Variants in SKIL observed in about 807,000 individuals in gnomAD.
The protein encoded by SKIL is SKI like proto-oncogene.
In SKIL, 20 loss-of-function variants were observed where a neutral mutation model predicts 69.6. The ratio of observed to expected loss-of-function variants is 0.29; its 90% CI spans 0.20 to 0.42. The LOEUF (loss-of-function observed/expected upper bound fraction) is 0.42. Ranked by LOEUF, SKIL falls within the 10% of genes least tolerant of loss-of-function variation. SKIL has a pLI of 1.00. For synonymous variants in SKIL, 310 were observed against 279.9 expected, an observed-to-expected ratio of 1.11 and a Z score of -1.08; for missense variants, 745 against 783.1, an observed-to-expected ratio of 0.95 and a Z score of 0.58.
rs145133764 is a variant in SKIL, at chr3:170,360,628, C to T, written c.297C>T (p.Ser99=). The change falls in exon 2 of 7, where the codon AGC becomes AGT. Residue 99 remains serine, a synonymous_variant. Coordinates refer to ENST00000259119, the MANE Select transcript of SKIL (RefSeq NM_005414.5). ...TLAQFHLSSQ[S]SLGGPAAFSA... The stretch of plus-strand genomic sequence containing the variant: ...CACAATTCCATTTAAGTAGTCAGAG[C>T]TCGCTGGGTGGACCAGCAGCATTTT... 177 of 1,614,138 alleles carry T rather than the reference C, an allele frequency of 1.1e-4. No homozygotes were observed. The African/African-American group carries it at 1.7e-3, about 15-fold the overall frequency.
At chr3:170,381,120 C>T (rs1737321203) in intron 2 of SKIL, 124 bp from the exon 3 acceptor site, 11 of 631,950 alleles carry the variant, frequency 1.7e-5, no homozygotes, top group East Asian at 5.6e-5. Context: ...AACCACTGTG[C>T]GTGGCATGAT....
intron 3 of SKIL, among the ~76,000 whole-genome samples, chr3:170,384,331 C>T (rs1737508971): frequency 6.6e-6 from 1 of 152,018 alleles, no homozygotes; most frequent in Admixed American, 6.6e-5. Context: ...CAAAAAATCC[C>T]TTATAATTTT....
In SKIL at chr3:170,393,108, T is replaced by G. The variant is rs1050091202; in HGVS notation, c.*691T>G. On this transcript the variant is annotated 3_prime_UTR_variant, in exon 7 of 7. Transcript: ENST00000259119. ...TTTTTCAGTTTAAATGTGGTTATAG[T>G]TAGATTTTTTTTTAAGCAGCAACTT... 3.3e-5 allele frequency: 5 copies of G among 152,156 alleles called. No homozygotes were observed. The highest frequency in any genetic ancestry group is 1.2e-4 in the African/African-American group (5 of 41,444). 9.4% of individuals were successfully genotyped at this position (152,156 alleles called of 1,614,324 possible). A position where few individuals can be genotyped will look rare whatever the true frequency, so the allele number is the denominator to read the frequency against.
At chr3:170,388,708 G>A (rs1737766868) in intron 4 of SKIL, among the ~76,000 whole-genome samples, 1 of 152,076 alleles carries the variant, frequency 6.6e-6, no homozygotes, top group African/African-American at 2.4e-5. Context: ...GGGATTACTG[G>A]TGTGAGCCAC....
At chr3:170,387,440 C>CT (rs1445066251) in intron 4 of SKIL, among the ~76,000 whole-genome samples, 5 of 152,068 alleles carry the variant, frequency 3.3e-5, no homozygotes, top group African/African-American at 1.2e-4. Context: ...CAATATGTGG[C>CT]TTTTCATGTC....
chr3:170,365,240 T>C (rs1277891950), intron 2 of SKIL, among the ~76,000 whole-genome samples: 1 of 152,252 alleles, frequency 6.6e-6, no homozygotes, highest in Non-Finnish European at 1.5e-5. Context: ...ACAGGGCTTC[T>C]AACTCGAAGT....
At chr3:170,358,394 A>ACTC (rs1048187650) in intron 1 of SKIL, 2 of 151,916 alleles carry the variant, frequency 1.3e-5, no homozygotes, top group African/African-American at 4.9e-5. Flanking sequence ...TCCTCCCTTT[A>ACTC]CTTCCCTCCA....
chr3:170,375,932 G>C (rs1323136779), intron 2 of SKIL, among the ~76,000 whole-genome samples: 1 of 151,534 alleles, frequency 6.6e-6, no homozygotes, highest in Admixed American at 6.6e-5. Context: ...TTCTTGGGCA[G>C]TACATCTAGA....
Position 170,365,752 on chromosome 3 carries a change from C to CTTTTTTTTTTTTTTTTTTT in SKIL, c.1098+4326_1098+4344dup, listed in dbSNP as rs59222162. ...GCTCATTTTAAAAAGTCAAACTAGG[C>CTTTTTTTTTTTTTTTTTTT]TTTTTTTTTTTTTTTTTTTTTGAGA... On this transcript the variant is annotated intron_variant, in intron 2 of 6. Coordinates refer to ENST00000259119, the MANE Select transcript of SKIL (RefSeq NM_005414.5). Among the ~76,000 whole-genome samples, 34 of 106,450 alleles carry CTTTTTTTTTTTTTTTTTTT rather than the reference C, an allele frequency of 3.2e-4. 2 individuals carry two copies. The highest frequency in any genetic ancestry group is 1.0e-3 in the African/African-American group (26 of 25,216). The allele number at this position is 106,450 out of a possible 152,430, so 69.8% of individuals were successfully genotyped here.
Position 170,394,502 on chromosome 3 carries a change from A to G in SKIL, c.*2085A>G, listed in dbSNP as rs1738095937. On this transcript the variant is annotated 3_prime_UTR_variant, in exon 7 of 7. Transcript: ENST00000259119. ...GGAACCTTTCTGCTTTATGTTACCT[A>G]GAAAATGATAATTTGTTTAACCCAA... The G allele has an allele frequency of 1.3e-5, 2 of 152,156 alleles. No individual in the cohort carries two copies. The highest frequency in any genetic ancestry group is 4.8e-5 in the African/African-American group (2 of 41,442). 9.4% of individuals were successfully genotyped at this position (152,156 alleles called of 1,614,324 possible).
intron 2 of SKIL, among the ~76,000 whole-genome samples, chr3:170,363,024 C>T (rs938104769): frequency 1.3e-5 from 2 of 151,558 alleles, no homozygotes. Context: ...AATAACAGTT[C>T]CTAACACTAA....
intron 1 of SKIL, among the ~76,000 whole-genome samples, chr3:170,359,471 G>T (rs1577403375): frequency 1.3e-5 from 2 of 152,058 alleles, no homozygotes; most frequent in East Asian, 3.8e-4. Context: ...CGTGGCTTGT[G>T]CCTGTAGTCC....
intron 4 of SKIL, among the ~76,000 whole-genome samples, chr3:170,387,818 C>G (rs959124139): frequency 1.4e-5 from 2 of 140,658 alleles, no homozygotes; most frequent in African/African-American, 2.6e-5. Context: ...CCTGTAGTCC[C>G]AGCTACTTGG....
chr3:170,369,282 A>T (rs1322195002), intron 2 of SKIL, among the ~76,000 whole-genome samples: 1 of 152,206 alleles, frequency 6.6e-6, no homozygotes, highest in East Asian at 1.9e-4. Context: ...GAAAAACAAA[A>T]AAGAGATGGC....
At chr3:170,385,347 C>T (rs1254406541) in intron 4 of SKIL, among the ~76,000 whole-genome samples, 2 of 151,492 alleles carry the variant, frequency 1.3e-5, no homozygotes, top group African/African-American at 4.9e-5. Context: ...CTGCCTTGGC[C>T]TCTCAAAGTG....
chr3:170,392,252 C>T lies in SKIL; in HGVS notation c.1897-7C>T. 1 of 1,572,500 alleles carries T rather than the reference C, an allele frequency of 6.4e-7. No homozygotes were observed. Among genetic ancestry groups the T allele is most frequent in the East Asian group, 2.3e-5 (1 of 43,998 alleles). On this transcript the variant is annotated splice_region_variant and splice_polypyrimidine_tract_variant and intron_variant, in intron 6 of 6. Transcript: ENST00000259119. ...TTAAAATTGATAGCGCCTTTTAAATCACATAGTTGGCAGAACTGAGGCAGA... is the reference window on the plus strand; with the variant it reads ...TTAAAATTGATAGCGCCTTTTAAATTACATAGTTGGCAGAACTGAGGCAGA...
Position 170,366,479 on chromosome 3 carries a change from G to A in SKIL, c.1098+5050G>A, listed in dbSNP as rs112765137. ...TGGATCACCTGAGGTCAGGGGTTCG[G>A]GACCAGCCTGGCCAATATGGTGAAA... On this transcript the variant is annotated intron_variant, in intron 2 of 6. Coordinates refer to ENST00000259119, the MANE Select transcript of SKIL (RefSeq NM_005414.5). Among the ~76,000 whole-genome samples the A allele has an allele frequency of 2.8e-3, 431 of 151,940 alleles. 6 individuals are homozygous for A. Among genetic ancestry groups the A allele is most frequent in the African/African-American group, 9.8e-3 (407 of 41,446 alleles).
chr3:170,369,966 C>T (rs553658967), intron 2 of SKIL, among the ~76,000 whole-genome samples: 36 of 152,192 alleles, frequency 2.4e-4, no homozygotes, highest in Non-Finnish European at 3.4e-4. Flanking sequence ...CGGCTGCGCG[C>T]GGTGGCTCAC....
intron 2 of SKIL, among the ~76,000 whole-genome samples, chr3:170,380,515 G>A (rs1415216897): frequency 6.6e-6 from 1 of 151,870 alleles, no homozygotes; most frequent in Non-Finnish European, 1.5e-5. Flanking sequence ...GTGGTGGTGG[G>A]TGCCTGTAAT....
Sources: gnomAD v4.1 joint callset for allele counts (sites outside exome capture counted in the v4.1 genomes callset) on GRCh38, gnomAD v4.1.1 for gene constraint, MANE v1.5 for transcripts, NCBI Gene and HGNC (gene_info 2026-07-23, HGNC 2026-07-21) for gene names.